PPFIBP2: variants seen among roughly 807,000 people sequenced by gnomAD.
PPFIBP2 encodes the protein liprin-beta-2.
Under a neutral mutation model 118.3 loss-of-function variants are expected in PPFIBP2, and 118 were observed. The ratio of observed to expected loss-of-function variants is 1.00; its 90% CI spans 0.86 to 1.16. The LOEUF (loss-of-function observed/expected upper bound fraction) is 1.16. Ranked by LOEUF, PPFIBP2 falls within the 50% of genes most tolerant of loss-of-function variation. The pLI is 0.00. For missense variants in PPFIBP2, 1,195 were observed against 1,073.1 expected, an observed-to-expected ratio of 1.11 and a Z score of -1.59; for synonymous variants, 414 against 397.4, an observed-to-expected ratio of 1.04 and a Z score of -0.50.
At chr11:7,610,952 G>T (rs536316078) in intron 6 of PPFIBP2, among the ~76,000 whole-genome samples, 6 of 152,268 alleles carry the variant, frequency 3.9e-5, no homozygotes, top group African/African-American at 1.4e-4. Flanking sequence ...TTCAGTCTTT[G>T]TATGCCATTG....
In PPFIBP2 at chr11:7,616,214, C is replaced by T. The variant is rs1255230806; in HGVS notation, c.619-4721C>T. 6.6e-6 allele frequency among the ~76,000 whole-genome samples: 1 copy of T among 152,108 alleles called. No homozygotes were observed. The highest frequency in any genetic ancestry group is 1.5e-5 in the Non-Finnish European group (1 of 68,024). ...AAAAATGGACTTGATTCCATGGATG[C>T]CTCTGACAGATACAAAAAATTTAGG... On this transcript the variant is annotated intron_variant, in intron 6 of 23. Coordinates refer to ENST00000299492, the MANE Select transcript of PPFIBP2 (RefSeq NM_003621.5). This position sits in a 1 kb window ranked among gnomAD's most constrained non-coding sequence, Gnocchi z 5.2.
chr11:7,569,443 G>T (rs1200049512), intron 3 of PPFIBP2, among the ~76,000 whole-genome samples: 1 of 152,212 alleles, frequency 6.6e-6, no homozygotes, highest in South Asian at 2.1e-4. Context: ...TAAGTATAAT[G>T]AGGAGAAGTG....
chr11:7,626,706 G>A (rs1272790273), intron 8 of PPFIBP2, among the ~76,000 whole-genome samples: 1 of 152,188 alleles, frequency 6.6e-6, no homozygotes, highest in African/African-American at 2.4e-5. Context: ...AATCTTTATG[G>A]CTGTTTGCCA....
chr11:7,606,031 G>A, intron 5 of PPFIBP2: 1 of 1,532,004 alleles, frequency 6.5e-7, no homozygotes, highest in East Asian at 2.4e-5. Context: ...TAGAAAAGCT[G>A]TTGATCAAGT....
intron 14 of PPFIBP2, among the ~76,000 whole-genome samples, chr11:7,636,832 C>T (rs1056247184): frequency 1.3e-5 from 2 of 152,110 alleles, no homozygotes; most frequent in African/African-American, 4.8e-5. Context: ...ACCACCCTCC[C>T]CTCTCACCCA....
At chr11:7,614,372 T>A (rs1848400513) in intron 6 of PPFIBP2, among the ~76,000 whole-genome samples, 1 of 152,234 alleles carries the variant, frequency 6.6e-6, no homozygotes, top group Admixed American at 6.5e-5. Context: ...TATACAAATG[T>A]ACACTATTCT....
chr11:7,535,032 G>C (rs780152586), intron 1 of PPFIBP2, among the ~76,000 whole-genome samples: 1 of 152,268 alleles, frequency 6.6e-6, no homozygotes, highest in Non-Finnish European at 1.5e-5. Context: ...GCTCTAGGGA[G>C]AGGGGAGGAT....
At chr11:7,628,851 C>T (rs1850374307) in intron 9 of PPFIBP2, among the ~76,000 whole-genome samples, 1 of 152,180 alleles carries the variant, frequency 6.6e-6, no homozygotes, top group African/African-American at 2.4e-5. Flanking sequence ...CTGAGGATCA[C>T]AACCCTGCAT....
At chr11:7,665,593 G>A in the PPFIBP2 span, 3 of 1,545,748 alleles carry the variant, frequency 1.9e-6, no homozygotes, top group Non-Finnish European at 2.6e-6. Flanking sequence ...GCCAGGTGGA[G>A]TTCCTGATCC....
chr11:7,650,989 C>T (rs1853911315), intron 22 of PPFIBP2, 24 bp downstream of exon 22: 1 of 1,606,724 alleles, frequency 6.2e-7, no homozygotes, highest in South Asian at 1.1e-5. Context: ...TGGCCTAGCC[C>T]ACCTGCCTTG....
chr11:7,613,051 C>CT (rs1182551950), intron 6 of PPFIBP2, among the ~76,000 whole-genome samples: 2 of 152,112 alleles, frequency 1.3e-5, no homozygotes, highest in Non-Finnish European at 2.9e-5. Context: ...TGTATTTAGC[C>CT]TAAGGGCTCA....
rs556572239 is a variant in PPFIBP2, at chr11:7,639,794, G to A, written c.1299G>A (p.Thr433=). The stretch of plus-strand genomic sequence containing the variant: ...TACCTGGGAAGCTTTCAGGAGCCAC[G>A]CCCAATGGAGAGGCTGCCAAATCTC... ...PTLPGKLSGA[T]PNGEAAKSPP... Residue 433 remains threonine, a synonymous_variant, in exon 15 of 24, where the codon ACG becomes ACA. Transcript: ENST00000299492. 8.1e-6 allele frequency: 13 copies of A among 1,614,110 alleles called. No individual in the cohort carries two copies. The Middle Eastern group carries it at 5.0e-4, about 61-fold the overall frequency.
intron 11 of PPFIBP2, 189 bp downstream of exon 11, chr11:7,631,217 G>C (rs868577072): frequency 3.6e-6 from 2 of 559,844 alleles, no homozygotes; most frequent in South Asian, 4.4e-5. Context: ...CCTGTGCTCT[G>C]GTTGGAGGCA....
chr11:7,658,236 A>ATG (rs1565142278), downstream of PPFIBP2, among the ~76,000 whole-genome samples: 6 of 148,684 alleles, frequency 4.0e-5, no homozygotes, highest in Non-Finnish European at 8.9e-5. Context: ...ATGCTGGTGC[A>ATG]CTGCACCCAC....
At chr11:7,656,614 C>G, downstream of PPFIBP2, 1 of 599,344 alleles carries the variant, frequency 1.7e-6, no homozygotes, top group Non-Finnish European at 2.7e-6. Context: ...ACTTATAGTG[C>G]ACCTGTGTCA....
At chr11:7,556,169 A>C (rs1853591732) in intron 2 of PPFIBP2, among the ~76,000 whole-genome samples, 1 of 152,222 alleles carries the variant, frequency 6.6e-6, no homozygotes, top group Non-Finnish European at 1.5e-5. Context: ...ATTTCTTTAT[A>C]AGACGGCCAG....
At chr11:7,649,041 G>T (rs1255590906) in intron 19 of PPFIBP2, 106 bp from the exon 20 acceptor site, 5 of 1,363,406 alleles carry the variant, frequency 3.7e-6, no homozygotes, top group Non-Finnish European at 5.1e-6. Flanking sequence ...CTAAACTTTT[G>T]GGGGAATAAA....
rs139798323 is a variant in PPFIBP2, at chr11:7,616,158, ACACC to A, written c.619-4773_619-4770del. Among the ~76,000 whole-genome samples, 2,332 of 152,220 alleles carry A rather than the reference ACACC, an allele frequency of 0.015. 62 individuals are homozygous for A. Among genetic ancestry groups the A allele is most frequent in the African/African-American group, 0.054 (2,244 of 41,542 alleles). ...CACACACATACACACGCACACACAA[ACACC>A]CACACACAGTTATGTTCTTAAAAAG... On this transcript the variant is annotated intron_variant, in intron 6 of 23. Coordinates refer to ENST00000299492, the MANE Select transcript of PPFIBP2 (RefSeq NM_003621.5). This position sits in a 1 kb window ranked among gnomAD's most constrained non-coding sequence, Gnocchi z 5.2.
intron 3 of PPFIBP2, chr11:7,577,300 CGTGTGCGTGCATGT>C (rs781428626): frequency 8.2e-6 from 2 of 242,720 alleles, no homozygotes; most frequent in Non-Finnish European, 1.7e-5. Context: ...AGTCCTGGTG[CGTGTGCGTGCATGT>C]ATGTGCGTGT....
Sources: gnomAD v4.1 joint callset for allele counts (sites outside exome capture counted in the v4.1 genomes callset) on GRCh38, gnomAD v4.1.1 for gene constraint, Gnocchi (gnomAD v3.1) non-coding constraint, MANE v1.5 for transcripts, NCBI Gene and HGNC (gene_info 2026-07-23, HGNC 2026-07-21) for gene names.